Variants in MAGI1 observed in about 807,000 individuals in gnomAD.
The protein encoded by MAGI1 is membrane-associated guanylate kinase, WW and PDZ domain-containing protein 1.
Under a neutral mutation model 139.9 loss-of-function variants are expected in MAGI1, and 58 were observed. That is an observed-to-expected ratio of 0.41 (90% CI 0.34 to 0.52). MAGI1 has a LOEUF of 0.52. Ranked by LOEUF, MAGI1 falls within the 20% of genes least tolerant of loss-of-function variation. MAGI1 has a pLI of 0.12. For missense variants in MAGI1, 1,874 were observed against 1,901.6 expected (o/e 0.99, Z 0.27); for synonymous variants, 812 against 737.9 (o/e 1.10, Z -1.63).
At chr3:65,798,396 C>T (rs1005851587) in intron 1 of MAGI1, among the ~76,000 whole-genome samples, 8 of 152,054 alleles carry the variant, frequency 5.3e-5, no homozygotes, top group African/African-American at 1.4e-4. Context: ...TTCTTCCTCC[C>T]GGGAAACATA....
chr3:65,802,826 T>C (rs1477811488), intron 1 of MAGI1, among the ~76,000 whole-genome samples: 1 of 147,810 alleles, frequency 6.8e-6, no homozygotes, highest in African/African-American at 2.5e-5. Context: ...TCTCCAAAAC[T>C]CCACTCAAAA....
At chr3:65,497,230 A>T (rs1952520674) in intron 2 of MAGI1, among the ~76,000 whole-genome samples, 1 of 152,156 alleles carries the variant, frequency 6.6e-6, no homozygotes, top group Non-Finnish European at 1.5e-5. Flanking sequence ...TAAAATCTAC[A>T]GAGAGAGTTT....
chr3:65,452,429 C>T (rs1949085404), intron 6 of MAGI1, among the ~76,000 whole-genome samples: 3 of 152,104 alleles, frequency 2.0e-5, no homozygotes, highest in African/African-American at 7.2e-5. Context: ...AATAATTATA[C>T]TACTAATTCA....
intron 12 of MAGI1, among the ~76,000 whole-genome samples, chr3:65,408,062 A>G (rs1945497397): frequency 6.6e-6 from 1 of 152,218 alleles, no homozygotes. Context: ...ATAATTTTGC[A>G]TATAATTTCA....
rs115561842 is a variant in MAGI1 at position 65,987,446 on chromosome 3, C to A, written c.313+50550G>T. Reference sequence around the variant, plus strand: ...GCATATGAAGCTAAGATGTAGGTAACTGCACATTAGAGGTGGGAGGCCAGG... The same window carrying A: ...GCATATGAAGCTAAGATGTAGGTAAATGCACATTAGAGGTGGGAGGCCAGG... On this transcript the variant is annotated intron_variant, in intron 1 of 22. Transcript: ENST00000402939. Among the ~76,000 whole-genome samples, 599 of 152,264 alleles carry A rather than the reference C, an allele frequency of 3.9e-3. 3 individuals are homozygous for A. The highest frequency in any genetic ancestry group is 0.013 in the African/African-American group (559 of 41,554).
At chr3:65,431,621 C>A (rs1391978668) in intron 10 of MAGI1, among the ~76,000 whole-genome samples, 1 of 152,046 alleles carries the variant, frequency 6.6e-6, no homozygotes, top group Non-Finnish European at 1.5e-5. Flanking sequence ...CCACAACACA[C>A]ACACACAAAA....
intron 1 of MAGI1, among the ~76,000 whole-genome samples, chr3:65,642,806 T>C (rs2085054233): frequency 6.6e-6 from 1 of 152,182 alleles, no homozygotes; most frequent in Non-Finnish European, 1.5e-5. Flanking sequence ...AATTAAGGAA[T>C]AAAGCTCCAT....
chr3:65,479,187 C>T (rs564352406), intron 3 of MAGI1, among the ~76,000 whole-genome samples: 2 of 152,276 alleles, frequency 1.3e-5, no homozygotes, highest in African/African-American at 2.4e-5. Context: ...TCATTACTGC[C>T]GGCATCCTTA....
In MAGI1 at chr3:65,926,361, C is replaced by A. The variant is rs561997512; in HGVS notation, c.313+111635G>T. 6.4e-3 allele frequency among the ~76,000 whole-genome samples: 962 copies of A among 151,436 alleles called. 10 individuals carry two copies. Among genetic ancestry groups the A allele is most frequent in the African/African-American group, 0.022 (900 of 41,188 alleles). ...TCTCTCTCTCTCTCTCTCTCTCTCT[C>A]TCTCTCTCCCTCTTTCCCTCCCTAC... On this transcript the variant is annotated intron_variant, in intron 1 of 22. Coordinates refer to ENST00000402939, the MANE Select transcript of MAGI1 (RefSeq NM_001033057.2).
intron 12 of MAGI1, among the ~76,000 whole-genome samples, chr3:65,419,372 G>A (rs1946483487): frequency 6.6e-6 from 1 of 152,200 alleles, no homozygotes; most frequent in Non-Finnish European, 1.5e-5. Context: ...TATCTTCAGT[G>A]AGTGTGATAC....
chr3:65,704,640 G>T (rs960547893), intron 1 of MAGI1, among the ~76,000 whole-genome samples: 1 of 152,004 alleles, frequency 6.6e-6, no homozygotes, highest in Non-Finnish European at 1.5e-5. Context: ...TAAAATTTAG[G>T]AATGCTATGG....
intron 2 of MAGI1, among the ~76,000 whole-genome samples, chr3:65,605,902 C>A (rs1041287280): frequency 4.6e-5 from 7 of 152,150 alleles, no homozygotes; most frequent in African/African-American, 1.4e-4. Context: ...GAGAGGAGAT[C>A]CGGCGAGTCC....
intron 1 of MAGI1, among the ~76,000 whole-genome samples, chr3:66,002,144 A>G (rs2066775588): frequency 6.6e-6 from 1 of 152,228 alleles, no homozygotes; most frequent in Non-Finnish European, 1.5e-5. Flanking sequence ...AGTTCTCCTC[A>G]GGTAAGGATT....
intron 2 of MAGI1, among the ~76,000 whole-genome samples, chr3:65,506,413 C>T (rs1017445119): frequency 2.0e-5 from 3 of 152,162 alleles, no homozygotes; most frequent in Admixed American, 6.5e-5. Context: ...CTATGGATCA[C>T]TTACTATATC....
chr3:65,453,220 C>T, intron 6 of MAGI1, 38 bp downstream of exon 6: 1 of 1,578,092 alleles, frequency 6.3e-7, no homozygotes. Flanking sequence ...GAACAGTGCC[C>T]CCAATTCACT....
intron 1 of MAGI1, among the ~76,000 whole-genome samples, chr3:65,955,488 CAGG>C (rs1460455392): frequency 6.6e-6 from 1 of 152,126 alleles, no homozygotes; most frequent in Non-Finnish European, 1.5e-5. Context: ...GCAAATGAAG[CAGG>C]AGAAGGCTCG....
At chr3:65,422,582 A>G (rs1337945455) in intron 12 of MAGI1, among the ~76,000 whole-genome samples, 1 of 152,190 alleles carries the variant, frequency 6.6e-6, no homozygotes, top group Non-Finnish European at 1.5e-5. Flanking sequence ...CTGAATACCT[A>G]TAATGGACTA....
At position 65,792,112 on chromosome 3, in the gene MAGI1, T is replaced by A. The variant is rs1345042259; in HGVS notation, c.314-170024A>T. Reference sequence around the variant, plus strand: ...ACAAGAGATTAATAACAATAGCTAATCATAATATAGCTATTAATAAAATAG... The same window carrying A: ...ACAAGAGATTAATAACAATAGCTAAACATAATATAGCTATTAATAAAATAG... On this transcript the variant is annotated intron_variant, in intron 1 of 22. Transcript: ENST00000402939. Among the ~76,000 whole-genome samples the A allele has an allele frequency of 4.6e-5, 7 of 152,062 alleles. 1 individual carries two copies. Among genetic ancestry groups the A allele is most frequent in the Admixed American group, 3.9e-4 (6 of 15,276 alleles).
chr3:65,457,065 C>T (rs1949445892), intron 5 of MAGI1, among the ~76,000 whole-genome samples: 1 of 152,068 alleles, frequency 6.6e-6, no homozygotes, highest in Admixed American at 6.6e-5. Flanking sequence ...TTAGAATAAA[C>T]TTGTCTGTAT....
Sources: allele counts gnomAD v4.1 joint callset (sites outside exome capture counted in the v4.1 genomes callset), GRCh38; gene constraint gnomAD v4.1.1; transcripts MANE v1.5; gene names NCBI Gene and HGNC (gene_info 2026-07-23, HGNC 2026-07-21).